STPG2: variants seen among roughly 807,000 people sequenced by gnomAD.
The protein encoded by STPG2 is sperm tail PG-rich repeat containing 2.
In STPG2, 56 loss-of-function variants were observed where a neutral mutation model predicts 54.2. The ratio of observed to expected loss-of-function variants is 1.03; its 90% CI spans 0.83 to 1.29. The LOEUF is 1.29. STPG2 is among the 50% of genes most tolerant of loss of function. The probability of loss-of-function intolerance (pLI) is 0.00; values close to 1 mark genes in which losing one functional copy is unlikely to be tolerated. For missense variants in STPG2, 596 were observed against 544.9 expected (o/e 1.09, Z -0.93); for synonymous variants, 200 against 181.8 (o/e 1.10, Z -0.81).
In STPG2 at chr4:97,735,740, G is replaced by A. The variant is rs368443420; in HGVS notation, c.1205-22926C>T. Among the ~76,000 whole-genome samples, 4 of 151,500 alleles carry A rather than the reference G, an allele frequency of 2.6e-5. No homozygotes were observed. In the East Asian group the frequency reaches 7.8e-4, roughly 29 times the overall value. On this transcript the variant is annotated intron_variant, in intron 9 of 10. Transcript: ENST00000295268. ...ATCATTACAATATATAGGGATACGT[G>A]TATATCCTTATATATATGTGTGTCT...
At chr4:98,129,513 TA>T (rs1739925127) in intron 2 of STPG2, among the ~76,000 whole-genome samples, 1 of 152,158 alleles carries the variant, frequency 6.6e-6, no homozygotes, top group Non-Finnish European at 1.5e-5. Flanking sequence ...TAAAGTCACA[TA>T]CATATATAAT....
chr4:97,945,215 C>T (rs1287027628), intron 7 of STPG2, among the ~76,000 whole-genome samples: 1 of 151,958 alleles, frequency 6.6e-6, no homozygotes, highest in African/African-American at 2.4e-5. Context: ...CTCCTCCCAC[C>T]CTCCCCTTTC....
At chr4:97,622,842 G>T (rs1201229363) in intron 10 of STPG2, among the ~76,000 whole-genome samples, 1 of 152,036 alleles carries the variant, frequency 6.6e-6, no homozygotes, top group Non-Finnish European at 1.5e-5. Context: ...TAAACCTGGT[G>T]GCATCACATT....
intron 8 of STPG2, among the ~76,000 whole-genome samples, chr4:97,902,595 A>C (rs2149187846): frequency 6.6e-6 from 1 of 152,296 alleles, no homozygotes; most frequent in Non-Finnish European, 1.5e-5. Context: ...CCACAAGGAG[A>C]TACCACTTCA....
intron 7 of STPG2, among the ~76,000 whole-genome samples, chr4:97,970,061 TG>T (rs1178751650): frequency 6.6e-6 from 1 of 152,140 alleles, no homozygotes. Flanking sequence ...CATTCACAAT[TG>T]CTTCAAAGAG....
At chr4:97,712,384 G>C (rs1196896641) in intron 10 of STPG2, among the ~76,000 whole-genome samples, 1 of 152,034 alleles carries the variant, frequency 6.6e-6, no homozygotes, top group Non-Finnish European at 1.5e-5. Context: ...AATACTAAGA[G>C]ATTTCAATGT....
chr4:97,941,139 C>A (rs1732964639), intron 8 of STPG2, among the ~76,000 whole-genome samples: 1 of 152,078 alleles, frequency 6.6e-6, no homozygotes, highest in South Asian at 2.1e-4. Flanking sequence ...ATCTCCTAGC[C>A]TTGAAATGCG....
At chr4:97,548,046 A>G (rs568686791) in intron 4 of STPG2, among the ~76,000 whole-genome samples, 1 of 152,160 alleles carries the variant, frequency 6.6e-6, no homozygotes, top group African/African-American at 2.4e-5. Context: ...GCTACTCGGG[A>G]GGCTGAGGCA....
chr4:97,897,515 T>C (rs1212118994), intron 8 of STPG2, among the ~76,000 whole-genome samples: 1 of 152,142 alleles, frequency 6.6e-6, no homozygotes, highest in Admixed American at 6.6e-5. Flanking sequence ...TAATTTACAC[T>C]CCCACTAACA....
intron 8 of STPG2, among the ~76,000 whole-genome samples, chr4:97,906,645 G>A (rs1731436846): frequency 6.6e-6 from 1 of 151,938 alleles, no homozygotes; most frequent in African/African-American, 2.4e-5. Context: ...GAATCCAGCA[G>A]CACATCAAAA....
At chr4:98,069,397 T>A (rs1225978144) in intron 5 of STPG2, among the ~76,000 whole-genome samples, 1 of 152,056 alleles carries the variant, frequency 6.6e-6, no homozygotes, top group African/African-American at 2.4e-5. Context: ...ATATTATTTA[T>A]AAAGTTTTGC....
intron 5 of STPG2, among the ~76,000 whole-genome samples, chr4:98,017,397 G>A (rs1735993049): frequency 6.6e-6 from 1 of 152,184 alleles, no homozygotes; most frequent in Non-Finnish European, 1.5e-5. Context: ...GGTTTGTTGG[G>A]TACATCCTGG....
At chr4:97,927,562 C>A (rs902498134) in intron 8 of STPG2, among the ~76,000 whole-genome samples, 1 of 151,938 alleles carries the variant, frequency 6.6e-6, no homozygotes, top group Non-Finnish European at 1.5e-5. Context: ...AAGTTATATA[C>A]CTTATAATAA....
At chr4:97,837,352 C>T (rs1333724904) in intron 9 of STPG2, among the ~76,000 whole-genome samples, 1 of 151,594 alleles carries the variant, frequency 6.6e-6, no homozygotes, top group East Asian at 1.9e-4. Flanking sequence ...CTCAATTTTC[C>T]ACACTCTCAA....
At chr4:98,132,331 T>C (rs1220425577) in intron 2 of STPG2, among the ~76,000 whole-genome samples, 1 of 126,948 alleles carries the variant, frequency 7.9e-6, no homozygotes, top group Admixed American at 7.4e-5. Context: ...TAAACACTAA[T>C]AAATTTTTAT....
At chr4:97,556,124 A>AT (rs1732071324), downstream of STPG2, among the ~76,000 whole-genome samples, 1 of 152,128 alleles carries the variant, frequency 6.6e-6, no homozygotes, top group Non-Finnish European at 1.5e-5. Context: ...TAATAAAAAT[A>AT]TTTTTATGGA....
At chr4:97,702,059 G>C (rs977133639) in intron 10 of STPG2, among the ~76,000 whole-genome samples, 3 of 152,130 alleles carry the variant, frequency 2.0e-5, no homozygotes, top group African/African-American at 7.2e-5. Flanking sequence ...GATCCTCCCA[G>C]CTGGGATGAG....
At chr4:97,458,283 A>G (rs1359563934) in intron 4 of STPG2, among the ~76,000 whole-genome samples, 1 of 152,164 alleles carries the variant, frequency 6.6e-6, no homozygotes, top group Non-Finnish European at 1.5e-5. Context: ...TCTGTGTTCT[A>G]TGGATGCAAA....
At chr4:97,547,623 G>C (rs1731863087) in intron 4 of STPG2, among the ~76,000 whole-genome samples, 1 of 152,182 alleles carries the variant, frequency 6.6e-6, no homozygotes, top group African/African-American at 2.4e-5. Flanking sequence ...AAAGACTGAA[G>C]GCTGCTGGGA....
Sources: allele counts gnomAD v4.1 joint callset (sites outside exome capture counted in the v4.1 genomes callset), GRCh38; gene constraint gnomAD v4.1.1; transcripts MANE v1.5; gene names NCBI Gene and HGNC (gene_info 2026-07-23, HGNC 2026-07-21).